The following PDE4B variants were observed in gnomAD, a reference collection of about 807,000 sequenced individuals.
The protein encoded by PDE4B is phosphodiesterase 4B.
PDE4B carries 20 observed loss-of-function variants against 82.2 expected under a neutral mutation model. That is an observed-to-expected ratio of 0.24 (90% CI 0.17 to 0.35). PDE4B has a LOEUF of 0.35. Among genes scored for constraint, PDE4B ranks in the 10% least tolerant of loss-of-function variants. The pLI is 1.00. For missense variants in PDE4B, 655 were observed against 907.2 expected, an observed-to-expected ratio of 0.72 and a Z score of 3.57; for synonymous variants, 320 against 318.9, an observed-to-expected ratio of 1.00 and a Z score of -0.04.
At chr1:66,151,214 G>A (rs1214038791) in intron 3 of PDE4B, among the ~76,000 whole-genome samples, 1 of 152,214 alleles carries the variant, frequency 6.6e-6, no homozygotes, top group Non-Finnish European at 1.5e-5. Flanking sequence ...TACAGGCAAA[G>A]AGAACAGTAA....
chr1:65,987,184 C>A (rs986892028), intron 3 of PDE4B, among the ~76,000 whole-genome samples: 10 of 152,072 alleles, frequency 6.6e-5, no homozygotes, highest in African/African-American at 2.4e-4. Flanking sequence ...TGAATGGGAC[C>A]ATCTCTAAGA....
At position 66,373,323 on chromosome 1, in the gene PDE4B, C is replaced by T. The variant is rs1278144200; in HGVS notation, c.*645C>T. On this transcript the variant is annotated 3_prime_UTR_variant, in exon 17 of 17. Transcript: ENST00000341517. ...TTACTTCCTTCCCCTGTTGTCCAGT[C>T]CAACTCCACAGTCACTCTTAAAACT... 1 of 152,530 alleles carries T rather than the reference C, an allele frequency of 6.6e-6. No homozygotes were observed. Among genetic ancestry groups the T allele is most frequent in the East Asian group, 1.9e-4 (1 of 5,210 alleles). 9.4% of individuals were successfully genotyped at this position (152,530 alleles called of 1,614,324 possible).
At chr1:65,992,693 A>G in intron 3 of PDE4B, 1 of 1,294,952 alleles carries the variant, frequency 7.7e-7, no homozygotes, top group Non-Finnish European at 9.8e-7. Context: ...TTTCAGAGGC[A>G]AAGCCAGCCT....
intron 3 of PDE4B, among the ~76,000 whole-genome samples, chr1:66,026,920 T>A (rs1653469812): frequency 6.6e-6 from 1 of 152,246 alleles, no homozygotes; most frequent in Admixed American, 6.5e-5. Flanking sequence ...AGGACTATTC[T>A]ACAATACATG....
chr1:66,266,930 G>A (rs546248163), intron 7 of PDE4B: 1 of 245,506 alleles, frequency 4.1e-6, no homozygotes, highest in South Asian at 3.9e-5. Flanking sequence ...GACACCTAAC[G>A]ATGCCTCACA....
At chr1:66,251,144 A>G (rs1398234353) in intron 4 of PDE4B, among the ~76,000 whole-genome samples, 1 of 152,236 alleles carries the variant, frequency 6.6e-6, no homozygotes, top group African/African-American at 2.4e-5. Context: ...TATTGTCTCT[A>G]AATTATCTGT....
At chr1:66,224,116 T>C (rs1048247761) in intron 3 of PDE4B, among the ~76,000 whole-genome samples, 6 of 152,294 alleles carry the variant, frequency 3.9e-5, no homozygotes, top group Admixed American at 3.3e-4. Context: ...GCATTTCCAC[T>C]TGATGCCTGA....
intron 3 of PDE4B, among the ~76,000 whole-genome samples, chr1:66,108,545 C>A (rs189434161): frequency 6.6e-6 from 1 of 151,918 alleles, no homozygotes; most frequent in Admixed American, 6.6e-5. Context: ...GCAAACCACA[C>A]ATCTAATAAG....
intron 7 of PDE4B, among the ~76,000 whole-genome samples, chr1:66,288,234 T>C (rs1656820935): frequency 6.6e-6 from 1 of 151,956 alleles, no homozygotes; most frequent in African/African-American, 2.4e-5. Flanking sequence ...GGTGCCACAC[T>C]TTTAAATAGC....
chr1:65,981,532 G>A (rs536136157), intron 3 of PDE4B, among the ~76,000 whole-genome samples: 67 of 131,498 alleles, frequency 5.1e-4, no homozygotes, highest in African/African-American at 1.6e-3. Flanking sequence ...TAAATATGGC[G>A]TATTCATGTT....
chr1:66,279,084 C>T (rs1056280723), intron 7 of PDE4B, among the ~76,000 whole-genome samples: 1 of 152,166 alleles, frequency 6.6e-6, no homozygotes, highest in East Asian at 1.9e-4. Flanking sequence ...GCATGCTCTT[C>T]ACACTTCCAA....
intron 7 of PDE4B, among the ~76,000 whole-genome samples, chr1:66,293,573 G>C (rs1434842397): frequency 1.3e-5 from 2 of 152,090 alleles, no homozygotes; most frequent in East Asian, 3.9e-4. Context: ...GGGGATTTGG[G>C]CTTCATCAGT....
chr1:66,281,744 A>T (rs1296995933), intron 7 of PDE4B, among the ~76,000 whole-genome samples: 2 of 152,358 alleles, frequency 1.3e-5, no homozygotes, highest in East Asian at 1.9e-4. Flanking sequence ...CCTGCTAAGT[A>T]TCAGATTTTC....
intron 3 of PDE4B, among the ~76,000 whole-genome samples, chr1:65,936,700 C>T (rs961756733): frequency 6.6e-6 from 1 of 152,050 alleles, no homozygotes; most frequent in Non-Finnish European, 1.5e-5. Flanking sequence ...TGGTATTGGC[C>T]TAGGGACCAC....
chr1:65,869,994 G>A (rs959463830), intron 1 of PDE4B, among the ~76,000 whole-genome samples: 12 of 151,984 alleles, frequency 7.9e-5, no homozygotes, highest in African/African-American at 2.7e-4. Flanking sequence ...GTGTGGTTGT[G>A]GAAAGGGTTT....
chr1:66,222,935 G>T (rs1651114176), intron 3 of PDE4B, among the ~76,000 whole-genome samples: 1 of 152,236 alleles, frequency 6.6e-6, no homozygotes, highest in East Asian at 1.9e-4. Flanking sequence ...TAAAGTAAAT[G>T]AATAATAAAA....
At chr1:66,107,370 T>A (rs1227672595) in intron 3 of PDE4B, among the ~76,000 whole-genome samples, 1 of 151,994 alleles carries the variant, frequency 6.6e-6, no homozygotes, top group African/African-American at 2.4e-5. Flanking sequence ...GAAAAGCACA[T>A]TAATGAACTT....
chr1:66,155,304 T>C (rs1646481050), intron 3 of PDE4B, among the ~76,000 whole-genome samples: 1 of 152,038 alleles, frequency 6.6e-6, no homozygotes, highest in African/African-American at 2.4e-5. Flanking sequence ...TCCCTATATG[T>C]CTCTTCTCTT....
At chr1:66,181,934 G>C (rs1224989687) in intron 3 of PDE4B, among the ~76,000 whole-genome samples, 1 of 151,566 alleles carries the variant, frequency 6.6e-6, no homozygotes, top group Non-Finnish European at 1.5e-5. Flanking sequence ...AAAATAGAGG[G>C]AAAAAAAGAT....
Sources: allele counts gnomAD v4.1 joint callset (sites outside exome capture counted in the v4.1 genomes callset), GRCh38; gene constraint gnomAD v4.1.1; transcripts MANE v1.5; gene names NCBI Gene and HGNC (gene_info 2026-07-23, HGNC 2026-07-21).